Variants in DPYD observed in about 807,000 individuals in gnomAD.
DPYD encodes dihydropyrimidine dehydrogenase [NADP(+)].
Under a neutral mutation model 116.2 loss-of-function variants are expected in DPYD, and 109 were observed. The ratio of observed to expected loss-of-function variants is 0.94; its 90% CI spans 0.80 to 1.10. DPYD has a LOEUF of 1.10. DPYD is among the 50% of genes least tolerant of loss of function. The pLI, the probability that DPYD is intolerant of heterozygous loss-of-function variation, is 0.00. For synonymous variants in DPYD, 440 were observed against 432.0 expected (o/e 1.02, Z -0.23); for missense variants, 1,302 against 1,254.5 (o/e 1.04, Z -0.57).
At chr1:97,509,683 G>T (rs558080737) in intron 13 of DPYD, among the ~76,000 whole-genome samples, 1 of 151,990 alleles carries the variant, frequency 6.6e-6, no homozygotes, top group Non-Finnish European at 1.5e-5. Flanking sequence ...CTTTATATTT[G>T]TTCTCTCCTA....
At position 97,229,587 on chromosome 1, in the gene DPYD, T is replaced by TATATATATAAAA. The variant is rs1434809487; in HGVS notation, c.2442+5264_2442+5265insTTTTATATATAT. ...ATATATATATATATATATATATATATATACTGATTTTAATTCATACTTTAG... is the reference window on the plus strand; with the variant it reads ...ATATATATATATATATATATATATATATATATATAAAAATACTGATTTTAATTCATACTTTAG... On this transcript the variant is annotated intron_variant, in intron 19 of 22. Transcript: ENST00000370192. Among the ~76,000 whole-genome samples the TATATATATAAAA allele has an allele frequency of 3.6e-4, 23 of 64,680 alleles. 1 individual carries two copies. The highest frequency in any genetic ancestry group is 1.3e-3 in the African/African-American group (23 of 17,274). The allele number at this position is 64,680 out of a possible 152,430, so 42.4% of individuals were successfully genotyped here.
At chr1:97,879,588 A>G (rs1672084841) in intron 2 of DPYD, among the ~76,000 whole-genome samples, 1 of 151,954 alleles carries the variant, frequency 6.6e-6, no homozygotes, top group Admixed American at 6.6e-5. Context: ...ACCAGTATAA[A>G]CATGTTTGCC....
At chr1:97,721,422 T>A (rs1662916094) in intron 5 of DPYD, 88 bp downstream of exon 5, 3 of 1,510,890 alleles carry the variant, frequency 2.0e-6, no homozygotes, top group Middle Eastern at 3.5e-4. Context: ...ATGTTGGGTA[T>A]CAACAGAGCA....
intron 13 of DPYD, among the ~76,000 whole-genome samples, chr1:97,511,821 A>T (rs954054953): frequency 6.6e-6 from 1 of 151,896 alleles, no homozygotes; most frequent in Non-Finnish European, 1.5e-5. Flanking sequence ...TCTTCTTAAT[A>T]TTGTGTGATA....
intron 3 of DPYD, among the ~76,000 whole-genome samples, chr1:97,781,388 G>T (rs943008486): frequency 6.6e-6 from 1 of 152,124 alleles, no homozygotes; most frequent in Non-Finnish European, 1.5e-5. Flanking sequence ...ATGCCCCAGG[G>T]AATGTTTTGA....
chr1:97,151,916 A>G (rs1655055829), intron 20 of DPYD, among the ~76,000 whole-genome samples: 1 of 152,214 alleles, frequency 6.6e-6, no homozygotes, highest in South Asian at 2.1e-4. Flanking sequence ...TTCATGGAAC[A>G]GTTTTGAAGT....
At chr1:97,920,861 A>C (rs1674483170) in intron 1 of DPYD, 23 bp downstream of exon 1, 1 of 1,584,532 alleles carries the variant, frequency 6.3e-7, no homozygotes, top group Non-Finnish European at 8.6e-7. Flanking sequence ...GCCACCACCG[A>C]CGAGCCGGCG....
chr1:97,478,526 T>G (rs149790194), intron 13 of DPYD, among the ~76,000 whole-genome samples: 2 of 152,312 alleles, frequency 1.3e-5, no homozygotes, highest in Non-Finnish European at 2.9e-5. Flanking sequence ...GACCTCGTGA[T>G]GCACCTGCCT....
Position 97,807,563 on chromosome 1 carries a change from T to A in DPYD, c.233+20551A>T, listed in dbSNP as rs567134596. Among the ~76,000 whole-genome samples, 6 of 152,244 alleles carry A rather than the reference T, an allele frequency of 3.9e-5. No individual in the cohort carries two copies. The South Asian group carries it at 6.2e-4, about 16-fold the overall frequency. ...TTATTTATCTGTTATGTTTCTTTCA[T>A]AAAATTTTTAACCAGTCTGTAGCTT... On this transcript the variant is annotated intron_variant, in intron 3 of 22. Transcript: ENST00000370192.
At chr1:97,145,747 T>G (rs1279221100) in intron 20 of DPYD, among the ~76,000 whole-genome samples, 3 of 151,360 alleles carry the variant, frequency 2.0e-5, no homozygotes, top group African/African-American at 7.3e-5. Context: ...GTGTGGGTTT[T>G]TTTTTTTTTT....
At chr1:97,733,644 T>C (rs554539631) in intron 4 of DPYD, among the ~76,000 whole-genome samples, 28 of 152,216 alleles carry the variant, frequency 1.8e-4, no homozygotes, top group African/African-American at 6.7e-4. Context: ...CAAACAATGC[T>C]ATAATTGCTT....
intron 13 of DPYD, among the ~76,000 whole-genome samples, chr1:97,476,147 C>T (rs1441697921): frequency 6.6e-6 from 1 of 152,128 alleles, no homozygotes; most frequent in Non-Finnish European, 1.5e-5. Context: ...CATCTGGGGA[C>T]ACTGAAAGTG....
intron 2 of DPYD, among the ~76,000 whole-genome samples, chr1:97,842,527 C>G (rs759166724): frequency 1.3e-5 from 2 of 151,978 alleles, no homozygotes; most frequent in Non-Finnish European, 2.9e-5. Flanking sequence ...ATGCTTTCTA[C>G]AATTCATACA....
At chr1:97,725,464 A>T (rs983803338) in intron 4 of DPYD, among the ~76,000 whole-genome samples, 10 of 151,626 alleles carry the variant, frequency 6.6e-5, no homozygotes, top group African/African-American at 2.4e-4. Flanking sequence ...TAAAATTCAT[A>T]GGAAAATCCA....
intron 2 of DPYD, among the ~76,000 whole-genome samples, chr1:97,830,874 G>A (rs1413688768): frequency 6.6e-6 from 1 of 152,164 alleles, no homozygotes; most frequent in Non-Finnish European, 1.5e-5. Flanking sequence ...TCACTATAAT[G>A]AGTAGAAGCG....
intron 21 of DPYD, among the ~76,000 whole-genome samples, chr1:97,092,330 G>T (rs1027162944): frequency 6.6e-6 from 1 of 152,138 alleles, no homozygotes; most frequent in African/African-American, 2.4e-5. Flanking sequence ...GGATGAATTT[G>T]ACAACTGTTG....
chr1:97,784,429 G>T (rs952527673), intron 3 of DPYD, among the ~76,000 whole-genome samples: 1 of 152,086 alleles, frequency 6.6e-6, no homozygotes, highest in Non-Finnish European at 1.5e-5. Flanking sequence ...AGGACATAAA[G>T]AACAAGAGAA....
At chr1:97,886,405 C>T (rs6684683) in intron 1 of DPYD, among the ~76,000 whole-genome samples, 1 of 152,044 alleles carries the variant, frequency 6.6e-6, no homozygotes, top group Non-Finnish European at 1.5e-5. Flanking sequence ...ATCCAGCCCC[C>T]ACTCATAGAG....
intron 3 of DPYD, among the ~76,000 whole-genome samples, chr1:97,777,657 G>A (rs563901538): frequency 1.3e-5 from 2 of 152,084 alleles, no homozygotes; most frequent in African/African-American, 4.8e-5. Flanking sequence ...ATGTCCTCTG[G>A]GTCCTAGTAA....
Sources: allele counts gnomAD v4.1 joint callset (sites outside exome capture counted in the v4.1 genomes callset), GRCh38; gene constraint gnomAD v4.1.1; transcripts MANE v1.5; gene names NCBI Gene and HGNC (gene_info 2026-07-23, HGNC 2026-07-21).